The following NLRP12 variants were observed in gnomAD, a reference collection of about 807,000 sequenced individuals.
The protein encoded by NLRP12 is NACHT, LRR and PYD domains-containing protein 12.
Under a neutral mutation model 91.2 loss-of-function variants are expected in NLRP12, and 108 were observed. That is an observed-to-expected ratio of 1.18 (90% CI 1.01 to 1.39). NLRP12 has a LOEUF of 1.39. Among genes scored for constraint, NLRP12 ranks in the 40% most tolerant of loss-of-function variants. The pLI is 0.00. For synonymous variants in NLRP12, 613 were observed against 566.7 expected (o/e 1.08, Z -1.16); for missense variants, 1,530 against 1,352.7 (o/e 1.13, Z -2.06).
chr19:53,808,069 T>C (rs568230895), intron 3 of NLRP12: 421 of 216,438 alleles, frequency 1.9e-3, no homozygotes, highest in Middle Eastern at 3.9e-3. Context: ...TATCTTTTCA[T>C]TTTTTTTTTT....
chr19:53,801,140 A>C, intron 7 of NLRP12, 87 bp downstream of exon 7: 2 of 1,233,808 alleles, frequency 1.6e-6, no homozygotes, highest in Non-Finnish European at 1.2e-6. Context: ...GTTTAGGAGC[A>C]GAGACAACCT....
chr19:53,810,118 T>G lies in NLRP12; in HGVS notation c.1541A>C (p.His514Pro), dbSNP rs2092039924. 1.9e-6 allele frequency: 3 copies of G among 1,614,106 alleles called. No individual in the cohort carries two copies. Among genetic ancestry groups the G allele is most frequent in the Non-Finnish European group, 2.5e-6 (3 of 1,180,012 alleles). ...TGCAAAGAATTCCTGGAAACTCAAG[T>G]GGATGAAGCTGTAGTACCTCTCACA... ...INCERYYSFIHLSFQEFFAAM... is the reference protein window; with the variant it reads ...INCERYYSFIPLSFQEFFAAM... The change falls in exon 3 of 10, where the codon CAC becomes CCC. Residue 514 changes from histidine (H) to proline (P), a missense_variant. Coordinates refer to ENST00000324134, the MANE Select transcript of NLRP12 (RefSeq NM_144687.4).
intron 6 of NLRP12, among the ~76,000 whole-genome samples, chr19:53,802,035 C>T (rs951491348): frequency 6.6e-6 from 1 of 151,954 alleles, no homozygotes; most frequent in Admixed American, 6.6e-5. Context: ...GGAGACCATC[C>T]TGGCTAACAT....
At chr19:53,795,534 C>A (rs1472486156) in intron 9 of NLRP12, among the ~76,000 whole-genome samples, 1 of 150,846 alleles carries the variant, frequency 6.6e-6, no homozygotes, top group Non-Finnish European at 1.5e-5. Flanking sequence ...GCCACCACGC[C>A]CGGCTAATTT....
chr19:53,800,403 G>A (rs1245698226), intron 7 of NLRP12, among the ~76,000 whole-genome samples: 4 of 152,048 alleles, frequency 2.6e-5, no homozygotes, highest in African/African-American at 9.7e-5. Context: ...CAGGATGTCG[G>A]GCTATGATCA....
chr19:53,807,439 C>T (rs2091978029), intron 4 of NLRP12, 56 bp downstream of exon 4: 4 of 1,547,314 alleles, frequency 2.6e-6, no homozygotes, highest in Non-Finnish European at 2.7e-6. Context: ...GTGACTGATC[C>T]CCATGAGAGG....
Position 53,801,382 on chromosome 19 carries a change from G to A in NLRP12, c.2601C>T (p.Arg867=), listed in dbSNP as rs781331282. 1.2e-6 allele frequency: 2 copies of A among 1,613,934 alleles called. No individual in the cohort carries two copies. Among genetic ancestry groups the A allele is most frequent in the South Asian group, 1.1e-5 (1 of 91,076 alleles). ...GCTCGTCACAGGCAGCAGCAGTGAG[G>A]CGGCAGATCTTCAGCCTGCACAAAG... ...RLRTLWLKIC[R]LTAAACDELA... The change falls in exon 7 of 10, where the codon CGC becomes CGT. Residue 867 remains arginine, a synonymous_variant. Coordinates refer to ENST00000324134, the MANE Select transcript of NLRP12 (RefSeq NM_144687.4).
At chr19:53,809,119 A>T (rs901873380) in intron 3 of NLRP12, among the ~76,000 whole-genome samples, 1 of 151,606 alleles carries the variant, frequency 6.6e-6, no homozygotes, top group Non-Finnish European at 1.5e-5. Context: ...CCAGCTACTC[A>T]GGAGGCTGAG....
At position 53,810,945 on chromosome 19, in the gene NLRP12, C is replaced by G. The variant is rs2092062141; in HGVS notation, c.714G>C (p.Lys238Asn). The part of the protein sequence containing the change: ...HKVMLDWADG[K>N]LFQGRFDYLF... ...GATAATCAAATCTGCCTTGGAAGAG[C>G]TTCCCGTCCGCCCAGTCCAGCATCA... Residue 238 changes from lysine to asparagine, a missense_variant, in exon 3 of 10, where the codon AAG becomes AAC. By Grantham distance (94) the Lys-to-Asn change is moderately conservative (BLOSUM62 0). Coordinates refer to ENST00000324134, the MANE Select transcript of NLRP12 (RefSeq NM_144687.4). The G allele has an allele frequency of 6.2e-7, 1 of 1,614,176 alleles. No individual in the cohort carries two copies. Among genetic ancestry groups the G allele is most frequent in the Non-Finnish European group, 8.5e-7 (1 of 1,180,034 alleles).
chr19:53,801,377 G>C lies in NLRP12; in HGVS notation c.2606C>G (p.Thr869Ser). ...GGCCAGCTCGTCACAGGCAGCAGCA[G>C]TGAGGCGGCAGATCTTCAGCCTGCA... ...RTLWLKICRL[T>S]AAACDELAST... is the part of the protein sequence containing the mutation. The change falls in exon 7 of 10, where the codon ACT becomes AGT. Residue 869 changes from threonine (T) to serine (S), a missense_variant. Transcript: ENST00000324134. 6.2e-7 allele frequency: 1 copy of C among 1,613,618 alleles called. No individual in the cohort carries two copies. The highest frequency in any genetic ancestry group is 8.5e-7 in the Non-Finnish European group (1 of 1,179,818).
intron 2 of NLRP12, among the ~76,000 whole-genome samples, chr19:53,811,633 G>A (rs1403207334): frequency 6.6e-6 from 1 of 150,422 alleles, no homozygotes; most frequent in Non-Finnish European, 1.5e-5. Flanking sequence ...GAGTGCAATG[G>A]TGTGCTCCCT....
chr19:53,798,735 CA>C (rs200685705), intron 7 of NLRP12, among the ~76,000 whole-genome samples: 56 of 151,616 alleles, frequency 3.7e-4, no homozygotes, highest in Admixed American at 2.8e-3. Context: ...CTTGTCTGTA[CA>C]AAAAAAAATT....
In NLRP12 at chr19:53,798,185, A is replaced by G. The variant is rs1009101270; in HGVS notation, c.2927+58T>C. 18 of 1,559,612 alleles carry G rather than the reference A, an allele frequency of 1.2e-5. No individual in the cohort carries two copies. In the African/African-American group the frequency reaches 2.4e-4, roughly 21 times the overall value. On this transcript the variant is annotated intron_variant, in intron 8 of 9. Coordinates refer to ENST00000324134, the MANE Select transcript of NLRP12 (RefSeq NM_144687.4). ...CATAAATAGAAAAATGAAGGATGAG[A>G]AGGCGCTTCCACTGTCCAAACGTGA...
At chr19:53,823,213 A>T (rs1194827442) in intron 1 of NLRP12, among the ~76,000 whole-genome samples, 1 of 143,480 alleles carries the variant, frequency 7.0e-6, no homozygotes, top group Non-Finnish European at 1.5e-5. Flanking sequence ...TATTTTAAAT[A>T]TTTATTTTAA....
chr19:53,809,675 C>G lies in NLRP12; in HGVS notation c.1984G>C (p.Val662Leu), dbSNP rs924036312. The G allele has an allele frequency of 1.9e-6, 3 of 1,613,948 alleles. No homozygotes were observed. Among genetic ancestry groups the G allele is most frequent in the Non-Finnish European group, 2.5e-6 (3 of 1,180,016 alleles). ...TAGGTGGCGCCATACAAGTGCAGCA[C>G]CTGGGCGCTCCTGCAGCGCTTCAGA... ...FCLKRCRSAQ[V>L]LHLYGATYSA... Residue 662 changes from valine (V) to leucine (L), a missense_variant, in exon 3 of 10, where the codon GTG becomes CTG. By Grantham distance (32) the Val-to-Leu change is conservative. Transcript: ENST00000324134.
chr19:53,809,895 CT>C lies in NLRP12; in HGVS notation c.1763del (p.Lys588ArgfsTer43), dbSNP rs1396082136. On this transcript the variant is annotated frameshift_variant, in exon 3 of 10. Transcript: ENST00000324134. LOFTEE classifies it high-confidence loss of function. Reference protein sequence around the residue: ...SLCWKVSPHIKMDLLQWIQSK... With the variant: ...SLCWKVSPHIXMDLLQWIQSK... ...TTTGGATCCACTGCAACAGGTCCATCTTGATGTGCGGCGAGACCTTCCAGCA... is the reference window on the plus strand; with the variant it reads ...TTTGGATCCACTGCAACAGGTCCATCTGATGTGCGGCGAGACCTTCCAGCA... The C allele has an allele frequency of 2.5e-6, 4 of 1,614,000 alleles. No individual in the cohort carries two copies. Among genetic ancestry groups the C allele is most frequent in the Non-Finnish European group, 3.4e-6 (4 of 1,180,046 alleles).
intron 5 of NLRP12, 144 bp downstream of exon 5, chr19:53,805,136 G>T: frequency 2.4e-6 from 2 of 820,990 alleles, no homozygotes; most frequent in Non-Finnish European, 4.1e-6. Context: ...AGTGCCTAGA[G>T]TCCAGGGCCA....
intron 1 of NLRP12, among the ~76,000 whole-genome samples, chr19:53,815,627 G>A (rs371779337): frequency 1.6e-4 from 24 of 151,298 alleles, no homozygotes; most frequent in Admixed American, 9.9e-4. Context: ...TTTTCTTTTC[G>A]AGACGGAGTC....
At chr19:53,804,997 C>G (rs986137608) in intron 5 of NLRP12, among the ~76,000 whole-genome samples, 1 of 151,750 alleles carries the variant, frequency 6.6e-6, no homozygotes, top group Non-Finnish European at 1.5e-5. Context: ...GCCACTGCAC[C>G]CCAACTTGGG....
Sources: gnomAD v4.1 joint callset for allele counts (sites outside exome capture counted in the v4.1 genomes callset) on GRCh38, gnomAD v4.1.1 for gene constraint, MANE v1.5 for transcripts, NCBI Gene and HGNC (gene_info 2026-07-23, HGNC 2026-07-21) for gene names.